CFDP1: variants seen among roughly 807,000 people sequenced by gnomAD.
CFDP1 encodes heterochromatin-stabilizing protein CFDP1.
CFDP1 carries 31 observed loss-of-function variants against 40.1 expected under a neutral mutation model. The observed-to-expected ratio is 0.77, with a 90% CI of 0.58 to 1.04. CFDP1 has a LOEUF of 1.04. CFDP1 is among the 50% of genes least tolerant of loss of function. The pLI is 0.00. For missense variants in CFDP1, 423 were observed against 343.4 expected, an observed-to-expected ratio of 1.23 and a Z score of -1.83; for synonymous variants, 167 against 120.0, an observed-to-expected ratio of 1.39 and a Z score of -2.56.
intron 1 of CFDP1, among the ~76,000 whole-genome samples, chr16:75,428,824 A>T (rs1454213896): frequency 6.6e-6 from 1 of 151,912 alleles, no homozygotes; most frequent in Non-Finnish European, 1.5e-5. Context: ...ACATATTAGA[A>T]AATGGGAACA....
At chr16:75,359,901 G>A (rs1417011665) in intron 5 of CFDP1, among the ~76,000 whole-genome samples, 1 of 152,096 alleles carries the variant, frequency 6.6e-6, no homozygotes, top group Non-Finnish European at 1.5e-5. Flanking sequence ...CATTTGCATT[G>A]CTAATGGCTA....
intron 5 of CFDP1, among the ~76,000 whole-genome samples, chr16:75,367,922 T>G (rs1387286113): frequency 2.0e-5 from 3 of 151,528 alleles, no homozygotes; most frequent in African/African-American, 7.3e-5. Flanking sequence ...CCAGCCAACA[T>G]GGTGAAACTC....
At chr16:75,388,892 G>A (rs962489243) in intron 5 of CFDP1, among the ~76,000 whole-genome samples, 2 of 148,914 alleles carry the variant, frequency 1.3e-5, no homozygotes, top group African/African-American at 4.9e-5. Context: ...CATCACCTAT[G>A]ATGTTGTTTG....
intron 5 of CFDP1, among the ~76,000 whole-genome samples, chr16:75,332,192 C>T (rs746290144): frequency 5.6e-4 from 85 of 152,120 alleles, no homozygotes; most frequent in Non-Finnish European, 1.1e-3. Flanking sequence ...AGGCCAGGTG[C>T]GGTGGCTCAC....
chr16:75,431,454 CAAAAAAAAAAAAAA>C (rs60902612), intron 1 of CFDP1, among the ~76,000 whole-genome samples: 1 of 59,600 alleles, frequency 1.7e-5, no homozygotes, highest in African/African-American at 6.7e-5. Context: ...ACTCTTGTCT[CAAAAAAAAAAAAAA>C]AAAAAAAAAG....
At chr16:75,364,121 AAAAC>A (rs765014559) in intron 5 of CFDP1, among the ~76,000 whole-genome samples, 20 of 152,080 alleles carry the variant, frequency 1.3e-4, no homozygotes, top group Non-Finnish European at 2.4e-4. Context: ...TGAAATTAAA[AAAAC>A]AAAACAAAAC....
At chr16:75,400,758 T>C (rs1417884078) in intron 4 of CFDP1, among the ~76,000 whole-genome samples, 4 of 152,336 alleles carry the variant, frequency 2.6e-5, no homozygotes, top group East Asian at 1.9e-4. Context: ...AGTTACAAGA[T>C]GGAGTGCTAC....
At chr16:75,383,210 T>C (rs2078865857) in intron 5 of CFDP1, among the ~76,000 whole-genome samples, 1 of 152,216 alleles carries the variant, frequency 6.6e-6, no homozygotes. Flanking sequence ...AGTTAAGTGC[T>C]GGACTTCAGA....
Position 75,430,174 on chromosome 16 carries a change from T to C in CFDP1, c.64+3115A>G, listed in dbSNP as rs912617957. ...GGAGACCAGAGGTTTTTTTTGTTTG[T>C]TTGTTTGTTTTTTCGAGATGGAGTC... On this transcript the variant is annotated intron_variant, in intron 1 of 6. Coordinates refer to ENST00000283882, the MANE Select transcript of CFDP1 (RefSeq NM_006324.3). 4.6e-5 allele frequency among the ~76,000 whole-genome samples: 7 copies of C among 151,108 alleles called. No individual in the cohort carries two copies. In the East Asian group the frequency reaches 1.2e-3, roughly 25 times the overall value.
At chr16:75,327,521 A>G (rs1338493286) in intron 5 of CFDP1, among the ~76,000 whole-genome samples, 1 of 152,196 alleles carries the variant, frequency 6.6e-6, no homozygotes, top group East Asian at 1.9e-4. Flanking sequence ...TATAGACTAT[A>G]GTAGAATATA....
chr16:75,308,613 T>C (rs932867393), intron 5 of CFDP1, among the ~76,000 whole-genome samples: 1 of 152,154 alleles, frequency 6.6e-6, no homozygotes, highest in African/African-American at 2.4e-5. Context: ...GAATCAGATA[T>C]TCGCAGAACT....
At chr16:75,355,739 T>A (rs1190967397) in intron 5 of CFDP1, among the ~76,000 whole-genome samples, 1 of 152,216 alleles carries the variant, frequency 6.6e-6, no homozygotes, top group Non-Finnish European at 1.5e-5. Flanking sequence ...GATGGTTTTA[T>A]AAGCATCTGG....
At chr16:75,417,134 G>A (rs2079215911) in intron 1 of CFDP1, among the ~76,000 whole-genome samples, 1 of 152,012 alleles carries the variant, frequency 6.6e-6, no homozygotes, top group Admixed American at 6.6e-5. Flanking sequence ...ACACGCTACT[G>A]CATTCCAGCC....
chr16:75,355,958 CTT>C (rs1403002819), intron 5 of CFDP1, among the ~76,000 whole-genome samples: 1 of 152,220 alleles, frequency 6.6e-6, no homozygotes, highest in Non-Finnish European at 1.5e-5. Flanking sequence ...TAGTAGCTCT[CTT>C]GATATTTCCA....
intron 5 of CFDP1, among the ~76,000 whole-genome samples, chr16:75,309,572 G>A (rs1228792473): frequency 6.6e-6 from 1 of 152,084 alleles, no homozygotes; most frequent in Non-Finnish European, 1.5e-5. Flanking sequence ...TGTAATCCCA[G>A]CACTTTGGGA....
chr16:75,372,150 AACC>A (rs1459909454), intron 5 of CFDP1: 1 of 152,260 alleles, frequency 6.6e-6, no homozygotes, highest in African/African-American at 2.4e-5. Flanking sequence ...AGCCAGCAAT[AACC>A]ATGACAGCTT....
chr16:75,388,390 T>C (rs1845886198), intron 5 of CFDP1, among the ~76,000 whole-genome samples: 1 of 152,186 alleles, frequency 6.6e-6, no homozygotes, highest in Non-Finnish European at 1.5e-5. Flanking sequence ...AGAGAACAAA[T>C]TGTTTCCAAA....
chr16:75,324,381 G>A (rs2078388836), intron 5 of CFDP1, among the ~76,000 whole-genome samples: 1 of 152,070 alleles, frequency 6.6e-6, no homozygotes, highest in African/African-American at 2.4e-5. Context: ...ACCTCCTGTT[G>A]TCCTCACTCT....
At chr16:75,383,656 T>TA (rs1451912269) in intron 5 of CFDP1, among the ~76,000 whole-genome samples, 1 of 151,904 alleles carries the variant, frequency 6.6e-6, no homozygotes, top group African/African-American at 2.4e-5. Flanking sequence ...CTGCCTCTAC[T>TA]AAAAATACAA....
Sources: allele counts gnomAD v4.1 joint callset (sites outside exome capture counted in the v4.1 genomes callset), GRCh38; gene constraint gnomAD v4.1.1; transcripts MANE v1.5; gene names NCBI Gene and HGNC (gene_info 2026-07-23, HGNC 2026-07-21).